The following GRB2 variants were observed in gnomAD, a reference collection of about 807,000 sequenced individuals.
GRB2 encodes the protein growth factor receptor-bound protein 2.
Under a neutral mutation model 27.4 loss-of-function variants are expected in GRB2, and 2 were observed. The ratio of observed to expected loss-of-function variants is 0.07; its 90% CI spans 0.03 to 0.23. The LOEUF (loss-of-function observed/expected upper bound fraction) is 0.23, where lower values mean the gene tolerates loss of function less well. Ranked by LOEUF, GRB2 falls within the 10% of genes least tolerant of loss-of-function variation. The pLI, the probability that GRB2 is intolerant of heterozygous loss-of-function variation, is 1.00. For synonymous variants in GRB2, 94 were observed against 99.6 expected (o/e 0.94, Z 0.33); for missense variants, 102 against 282.4 (o/e 0.36, Z 4.58).
intron 2 of GRB2, among the ~76,000 whole-genome samples, chr17:75,385,029 CAAAAAAAAAAAAAAAAA>C (rs58860615): frequency 8.9e-4 from 49 of 55,324 alleles, no homozygotes; most frequent in African/African-American, 4.4e-3. Flanking sequence ...CTGGCTCTAC[CAAAAAAAAAAAAAAAAA>C]AAAAAAAAAA....
At chr17:75,330,388 C>A (rs2078531460) in intron 3 of GRB2, among the ~76,000 whole-genome samples, 1 of 150,986 alleles carries the variant, frequency 6.6e-6, no homozygotes, top group Non-Finnish European at 1.5e-5. Flanking sequence ...CTCAAACAAA[C>A]AAACAAACAA....
chr17:75,322,424 C>A lies in GRB2; in HGVS notation c.300-597G>T, dbSNP rs554920762. Among the ~76,000 whole-genome samples, 6 of 146,328 alleles carry A rather than the reference C, an allele frequency of 4.1e-5. No homozygotes were observed. In the East Asian group the frequency reaches 1.0e-3, roughly 24 times the overall value. On this transcript the variant is annotated intron_variant, in intron 4 of 5. Coordinates refer to ENST00000316804, the MANE Select transcript of GRB2 (RefSeq NM_002086.5). ...TGCCCTGAACCCTACCAAATAAAAA[C>A]AGCCGTACTTAAGACAAAGGAGTGT...
rs968940801 is a variant in GRB2 at position 75,319,950 on chromosome 17, GTTC to G, written c.*415_*417del. 8.5e-5 allele frequency: 14 copies of G among 164,044 alleles called. No homozygotes were observed. The highest frequency in any genetic ancestry group is 2.9e-4 in the African/African-American group (12 of 41,646). The allele number at this position is 164,044 out of a possible 1,614,324, so 10.2% of individuals were successfully genotyped here. A position where few individuals can be genotyped will look rare whatever the true frequency, so the allele number is the denominator to read the frequency against. Reference sequence around the variant, plus strand: ...ATATACGAAGAACACAGGAACAGCTGTTCTTCTTTCAGTCATTCCAACTAAAAC... The same window carrying G: ...ATATACGAAGAACACAGGAACAGCTGTTCTTTCAGTCATTCCAACTAAAAC... On this transcript the variant is annotated 3_prime_UTR_variant, in exon 6 of 6. Coordinates refer to ENST00000316804, the MANE Select transcript of GRB2 (RefSeq NM_002086.5).
intron 2 of GRB2, among the ~76,000 whole-genome samples, chr17:75,359,439 G>C (rs1386800589): frequency 6.6e-6 from 1 of 151,884 alleles, no homozygotes; most frequent in Non-Finnish European, 1.5e-5. Flanking sequence ...CCAGGAGTTC[G>C]AGGTTGCAGC....
At chr17:75,329,406 T>C (rs2078524086) in intron 3 of GRB2, among the ~76,000 whole-genome samples, 1 of 152,230 alleles carries the variant, frequency 6.6e-6, no homozygotes, top group Admixed American at 6.5e-5. Flanking sequence ...CAGACCTTTC[T>C]GTCTGGTGTC....
chr17:75,318,102 TCA>T lies in GRB2; in HGVS notation c.*2264_*2265del, dbSNP rs372622453. 8.9e-4 allele frequency: 136 copies of T among 152,762 alleles called. 1 individual carries two copies. The highest frequency in any genetic ancestry group is 3.2e-3 in the African/African-American group (132 of 41,580). 9.5% of individuals were successfully genotyped at this position (152,762 alleles called of 1,614,324 possible). A position where few individuals can be genotyped will look rare whatever the true frequency, so the allele number is the denominator to read the frequency against. On this transcript the variant is annotated 3_prime_UTR_variant, in exon 6 of 6. Transcript: ENST00000316804. ...GAAGAATTCATTGTGTATTTATTAT[TCA>T]CAGTTAATCACTACCTACCAAATGC...
intron 2 of GRB2, among the ~76,000 whole-genome samples, chr17:75,380,334 A>G (rs1209390228): frequency 7.6e-6 from 1 of 132,448 alleles, no homozygotes; most frequent in African/African-American, 2.5e-5. Context: ...TTACAAAACT[A>G]ATAGCTTGTA....
chr17:75,336,531 C>G (rs2078578154), intron 2 of GRB2, among the ~76,000 whole-genome samples: 1 of 152,154 alleles, frequency 6.6e-6, no homozygotes, highest in African/African-American at 2.4e-5. Context: ...GAGCTACACT[C>G]TCTTCTTGTC....
chr17:75,365,473 T>G (rs2078812999), intron 2 of GRB2, among the ~76,000 whole-genome samples: 1 of 152,162 alleles, frequency 6.6e-6, no homozygotes, highest in Admixed American at 6.5e-5. Context: ...AGTTTTGCAT[T>G]TTTAATAAAA....
intron 1 of GRB2, among the ~76,000 whole-genome samples, chr17:75,399,711 G>GC (rs1018531746): frequency 1.3e-5 from 2 of 148,762 alleles, no homozygotes; most frequent in African/African-American, 5.0e-5. Context: ...TCGCTCTGTC[G>GC]CCCAGGCTGG....
At chr17:75,398,987 A>G (rs1274266881) in intron 1 of GRB2, among the ~76,000 whole-genome samples, 1 of 152,012 alleles carries the variant, frequency 6.6e-6, no homozygotes, top group Non-Finnish European at 1.5e-5. Flanking sequence ...ACCTCAGGTG[A>G]TCCGCCCACT....
intron 2 of GRB2, among the ~76,000 whole-genome samples, chr17:75,385,275 T>G (rs1296968340): frequency 6.6e-6 from 1 of 151,814 alleles, no homozygotes; most frequent in Non-Finnish European, 1.5e-5. Flanking sequence ...GGTGGCTCAC[T>G]TCTATAATCC....
intron 2 of GRB2, among the ~76,000 whole-genome samples, chr17:75,346,862 C>T (rs2078658960): frequency 6.6e-6 from 1 of 152,110 alleles, no homozygotes; most frequent in African/African-American, 2.4e-5. Flanking sequence ...TGTGCCCAGC[C>T]TGCTCTGACT....
At chr17:75,390,629 A>C (rs2078992364) in intron 2 of GRB2, among the ~76,000 whole-genome samples, 1 of 152,192 alleles carries the variant, frequency 6.6e-6, no homozygotes, top group African/African-American at 2.4e-5. Context: ...TTCCAGTAAA[A>C]TGCTTTTATT....
chr17:75,321,969 T>C, intron 4 of GRB2, 142 bp from the exon 5 acceptor site: 1 of 706,238 alleles, frequency 1.4e-6, no homozygotes, highest in Admixed American at 2.6e-5. Context: ...GTTTCCTCAC[T>C]GGGTGTCCCT....
chr17:75,337,365 G>A (rs1280421469), intron 2 of GRB2, among the ~76,000 whole-genome samples: 1 of 151,134 alleles, frequency 6.6e-6, no homozygotes, highest in African/African-American at 2.4e-5. Flanking sequence ...ATACAAAACA[G>A]CTACTGAAGT....
intron 2 of GRB2, among the ~76,000 whole-genome samples, chr17:75,387,078 A>G (rs548658451): frequency 4.5e-4 from 68 of 151,610 alleles, no homozygotes; most frequent in African/African-American, 1.6e-3. Context: ...GGAGAATGGC[A>G]TGAACCCAGG....
chr17:75,349,508 C>CTTTTTTTTT (rs36010389), intron 2 of GRB2, among the ~76,000 whole-genome samples: 2 of 115,910 alleles, frequency 1.7e-5, no homozygotes, highest in Admixed American at 1.0e-4. Context: ...ATAACTCAGA[C>CTTTTTTTTT]TTTTTTTTTT....
rs185600339 is a variant in GRB2, at chr17:75,400,237, G to A, written c.-138+5252C>T. 1.8e-3 allele frequency among the ~76,000 whole-genome samples: 278 copies of A among 151,912 alleles called. 1 individual carries two copies. Among genetic ancestry groups the A allele is most frequent in the African/African-American group, 6.5e-3 (270 of 41,444 alleles). ...CACCCAGGCTGAAGTGCAATGGCAC[G>A]ATCTCAGCTCACTGCAATCTCCGCC... On this transcript the variant is annotated intron_variant, in intron 1 of 5. Transcript: ENST00000316804.
Sources: gnomAD v4.1 joint callset for allele counts (sites outside exome capture counted in the v4.1 genomes callset) on GRCh38, gnomAD v4.1.1 for gene constraint, MANE v1.5 for transcripts, NCBI Gene and HGNC (gene_info 2026-07-23, HGNC 2026-07-21) for gene names.